CTNND2: variants seen among roughly 807,000 people sequenced by gnomAD.
The protein encoded by CTNND2 is catenin delta-2.
CTNND2 carries 22 observed loss-of-function variants against 144.4 expected under a neutral mutation model. The ratio of observed to expected loss-of-function variants is 0.15; its 90% CI spans 0.11 to 0.22. The LOEUF (loss-of-function observed/expected upper bound fraction) is 0.22, where lower values mean the gene tolerates loss of function less well. Among genes scored for constraint, CTNND2 ranks in the 10% least tolerant of loss-of-function variants. CTNND2 has a pLI of 1.00. For synonymous variants in CTNND2, 751 were observed against 695.6 expected, an observed-to-expected ratio of 1.08 and a Z score of -1.25; for missense variants, 1,353 against 1,618.8, an observed-to-expected ratio of 0.84 and a Z score of 2.82.
Position 11,526,054 on chromosome 5 carries a change from C to G in CTNND2, c.287+38890G>C, listed in dbSNP as rs534031690. Reference sequence around the variant, plus strand: ...ATGTAGCTGGAATTGCACGTGTGTGCCACCACACATGGCTAATTTTTGTAT... The same window carrying G: ...ATGTAGCTGGAATTGCACGTGTGTGGCACCACACATGGCTAATTTTTGTAT... On this transcript the variant is annotated intron_variant, in intron 3 of 21. Transcript: ENST00000304623. Among the ~76,000 whole-genome samples the G allele has an allele frequency of 1.1e-4, 17 of 152,224 alleles. No individual in the cohort carries two copies. In the South Asian group the frequency reaches 3.5e-3, roughly 32 times the overall value.
At chr5:11,505,857 T>A (rs1198514888) in intron 3 of CTNND2, among the ~76,000 whole-genome samples, 1 of 152,188 alleles carries the variant, frequency 6.6e-6, no homozygotes, top group Non-Finnish European at 1.5e-5. Flanking sequence ...TCTGGAGTAA[T>A]GACGCAGGCC....
chr5:11,673,077 C>T (rs910142561), intron 2 of CTNND2, among the ~76,000 whole-genome samples: 4 of 152,108 alleles, frequency 2.6e-5, no homozygotes, highest in Admixed American at 6.5e-5. Context: ...AACTTGTACA[C>T]GTAAGGCCAA....
rs557195111 is a variant in CTNND2, at chr5:11,821,855, T to G, written c.37+81962A>C. Reference sequence around the variant, plus strand: ...TTACTAGTGTTATTATTTTAACAATTTAATTTAGTACTCCATATACTGAAA... The same window carrying G: ...TTACTAGTGTTATTATTTTAACAATGTAATTTAGTACTCCATATACTGAAA... On this transcript the variant is annotated intron_variant, in intron 1 of 21. Coordinates refer to ENST00000304623, the MANE Select transcript of CTNND2 (RefSeq NM_001332.4). Among the ~76,000 whole-genome samples the G allele has an allele frequency of 3.9e-4, 60 of 152,302 alleles. No homozygotes were observed. The South Asian group carries it at 0.012, about 30-fold the overall frequency.
intron 9 of CTNND2, among the ~76,000 whole-genome samples, chr5:11,271,359 G>C (rs1347912122): frequency 1.3e-5 from 2 of 152,124 alleles, no homozygotes; most frequent in Non-Finnish European, 2.9e-5. Context: ...ATAAAGTATT[G>C]CATATACAAT....
intron 9 of CTNND2, among the ~76,000 whole-genome samples, chr5:11,288,401 TA>T (rs138235056): frequency 0.036 from 5,524 of 152,262 alleles, 171 homozygotes; most frequent in African/African-American, 0.082. Flanking sequence ...TCAATTATGC[TA>T]ACAAAATTCT....
At chr5:11,728,606 G>GCAATATCCTAA (rs1787154088) in intron 2 of CTNND2, among the ~76,000 whole-genome samples, 1 of 151,990 alleles carries the variant, frequency 6.6e-6, no homozygotes, top group Non-Finnish European at 1.5e-5. Flanking sequence ...CCTAAATAAT[G>GCAATATCCTAA]GTACTCAAAA....
intron 2 of CTNND2, among the ~76,000 whole-genome samples, chr5:11,670,890 G>A (rs559064194): frequency 1.3e-5 from 2 of 152,192 alleles, no homozygotes; most frequent in Admixed American, 6.5e-5. Context: ...TTACAATTTG[G>A]TATGTTTTTG....
At chr5:11,893,447 G>T (rs1737148216) in intron 1 of CTNND2, among the ~76,000 whole-genome samples, 16 of 152,106 alleles carry the variant, frequency 1.1e-4, no homozygotes, top group Admixed American at 1.0e-3. Context: ...AATTAAATTT[G>T]TCCAGTTTGT....
chr5:11,115,517 G>A (rs1382384511), intron 13 of CTNND2, among the ~76,000 whole-genome samples: 4 of 152,140 alleles, frequency 2.6e-5, no homozygotes, highest in Non-Finnish European at 5.9e-5. Context: ...GAAAACACAC[G>A]TGTCTATTAC....
intron 2 of CTNND2, among the ~76,000 whole-genome samples, chr5:11,712,776 A>C (rs533672588): frequency 6.6e-6 from 1 of 152,334 alleles, no homozygotes; most frequent in African/African-American, 2.4e-5. Flanking sequence ...GTAACTTCCC[A>C]CAGTTAGCAA....
intron 3 of CTNND2, among the ~76,000 whole-genome samples, chr5:11,532,005 G>A (rs965554327): frequency 4.6e-5 from 7 of 152,140 alleles, no homozygotes; most frequent in Non-Finnish European, 8.8e-5. Context: ...GTGTGCAGCT[G>A]CCTCTGGACA....
At chr5:11,708,379 A>C (rs564251627) in intron 2 of CTNND2, among the ~76,000 whole-genome samples, 1 of 152,188 alleles carries the variant, frequency 6.6e-6, no homozygotes, top group Non-Finnish European at 1.5e-5. Context: ...GAAATCTCCT[A>C]AAGTGAAAAG....
chr5:10,992,453 G>C, intron 19 of CTNND2, 98 bp downstream of exon 19: 1 of 1,535,546 alleles, frequency 6.5e-7, no homozygotes, highest in East Asian at 2.3e-5. Context: ...CTGAATGGAA[G>C]GCTCTCCTCT....
chr5:11,480,980 C>T (rs755740212), intron 3 of CTNND2, among the ~76,000 whole-genome samples: 14 of 152,140 alleles, frequency 9.2e-5, no homozygotes, highest in Middle Eastern at 3.4e-3. Flanking sequence ...CTCATCGAAG[C>T]ACATGACGAT....
At chr5:11,654,420 A>G (rs1256546703) in intron 2 of CTNND2, among the ~76,000 whole-genome samples, 1 of 151,946 alleles carries the variant, frequency 6.6e-6, no homozygotes, top group Non-Finnish European at 1.5e-5. Flanking sequence ...AATGTTTTAT[A>G]CTTCTCAGAG....
At chr5:11,677,921 T>C (rs1200950503) in intron 2 of CTNND2, among the ~76,000 whole-genome samples, 3 of 152,168 alleles carry the variant, frequency 2.0e-5, no homozygotes, top group Admixed American at 2.0e-4. Context: ...CCACTCATAT[T>C]GGAAATGTAT....
At chr5:11,428,048 G>T (rs947799408) in intron 3 of CTNND2, among the ~76,000 whole-genome samples, 4 of 152,130 alleles carry the variant, frequency 2.6e-5, no homozygotes, top group Non-Finnish European at 4.4e-5. Context: ...CAGATCTTGT[G>T]AGACTCACTC....
At chr5:11,665,730 T>C (rs1266995151) in intron 2 of CTNND2, among the ~76,000 whole-genome samples, 4 of 152,166 alleles carry the variant, frequency 2.6e-5, no homozygotes, top group African/African-American at 9.7e-5. Flanking sequence ...AAGTGAGGTG[T>C]GTATTCAGGG....
At chr5:11,274,181 C>T (rs996471030) in intron 9 of CTNND2, among the ~76,000 whole-genome samples, 2 of 152,106 alleles carry the variant, frequency 1.3e-5, no homozygotes, top group Non-Finnish European at 1.5e-5. Flanking sequence ...TTTCTATTGG[C>T]GTAATCCCTG....
Sources: gnomAD v4.1 joint callset for allele counts (sites outside exome capture counted in the v4.1 genomes callset) on GRCh38, gnomAD v4.1.1 for gene constraint, MANE v1.5 for transcripts, NCBI Gene and HGNC (gene_info 2026-07-23, HGNC 2026-07-21) for gene names.